The following PLTP variants were observed in gnomAD, a reference collection of about 807,000 sequenced individuals.
The protein encoded by PLTP is phospholipid transfer protein, also known as BPI fold containing family E.
A neutral mutation model predicts 54.1 loss-of-function variants in PLTP; 43 were observed. The ratio of observed to expected loss-of-function variants is 0.79; its 90% CI spans 0.62 to 1.02. The LOEUF is 1.02. Among genes scored for constraint, PLTP ranks in the 50% least tolerant of loss-of-function variants. The pLI is 0.00. For missense variants in PLTP, 604 were observed against 645.9 expected (o/e 0.94, Z 0.70); for synonymous variants, 263 against 264.6 (o/e 0.99, Z 0.06).
In PLTP at chr20:45,904,948, C is replaced by G. The variant is rs1568773948; in HGVS notation, c.876G>C (p.Gly292=). Residue 292 remains glycine, a synonymous_variant, in exon 9 of 16, where the codon GGG becomes GGC. Transcript: ENST00000372431. ...RAGALQLLLV[G]DKVPHDLDML... is the part of the protein sequence containing the mutation. ...CAAACAGGCCATGACATACCTTGTC[C>G]CCCACCAGCAACAGCTGCAGGGCCC... The G allele has an allele frequency of 1.2e-5, 20 of 1,614,242 alleles. No individual in the cohort carries two copies. Among genetic ancestry groups the G allele is most frequent in the Non-Finnish European group, 1.7e-5 (20 of 1,180,040 alleles).
intron 7 of PLTP, 51 bp from the exon 8 acceptor site, chr20:45,906,410 GCTTAAC>G: frequency 2.1e-6 from 3 of 1,403,992 alleles, no homozygotes; most frequent in Non-Finnish European, 3.0e-6. Context: ...GGGATAAGGT[GCTTAAC>G]CTCTCCAGGC....
chr20:45,910,929 C>A, intron 3 of PLTP: 1 of 1,429,800 alleles, frequency 7.0e-7, no homozygotes, highest in Non-Finnish European at 9.1e-7. Flanking sequence ...TTCTTGGCCC[C>A]CTCTACATTT....
In PLTP at chr20:45,907,749, G is replaced by A; in HGVS notation, c.556C>T (p.Pro186Ser). The change falls in exon 7 of 16, where the codon CCT (proline) becomes TCT (serine). Residue 186 changes from proline (P) to serine (S), a missense_variant. Coordinates refer to ENST00000372431, the MANE Select transcript of PLTP (RefSeq NM_006227.4). ...MRFLLNQQIC[P>S]VLYHAGTVLL... ...ACCGTCCCTGCGTGGTAGAGGACAG[G>A]GCAGATCTGCGAGGTGGGAGCCAGA... 6.2e-7 allele frequency: 1 copy of A among 1,613,718 alleles called. No homozygotes were observed. Among genetic ancestry groups the A allele is most frequent in the African/African-American group, 1.3e-5 (1 of 75,036 alleles).
chr20:45,909,441 T>C (rs956347207), intron 5 of PLTP, 75 bp downstream of exon 5: 3 of 1,516,188 alleles, frequency 2.0e-6, no homozygotes, highest in African/African-American at 2.7e-5. Flanking sequence ...CCCAGGCCTA[T>C]GCACTTTGCA....
chr20:45,907,578 A>C (rs745341894), intron 7 of PLTP, 114 bp downstream of exon 7: 78 of 982,980 alleles, frequency 7.9e-5, no homozygotes, highest in Non-Finnish European at 1.2e-4. Flanking sequence ...ACAACAAGTC[A>C]GCTCCAGGGG....
intron 3 of PLTP, chr20:45,910,776 C>T (rs2083282416): frequency 9.1e-7 from 1 of 1,102,658 alleles, no homozygotes. Context: ...CATCCTAAAC[C>T]ATACTTAGAG....
chr20:45,911,633 G>C (rs1211360899), intron 1 of PLTP, 170 bp from the exon 2 acceptor site: 20 of 863,496 alleles, frequency 2.3e-5, no homozygotes, highest in Non-Finnish European at 3.6e-5. Context: ...CTGAGGCTCA[G>C]AGAGGCGATG....
At position 45,907,808 on chromosome 20, in the gene PLTP, C is replaced by A. The variant is rs756641281; in HGVS notation, c.549+33G>T. On this transcript the variant is annotated intron_variant, in intron 6 of 15. Coordinates refer to ENST00000372431, the MANE Select transcript of PLTP (RefSeq NM_006227.4). Reference sequence around the variant, plus strand: ...CTTCTCAAAGTGAGAGCATGCCCACCCTTGCCACCCTGCGACCTGTCGCTG... The same window carrying A: ...CTTCTCAAAGTGAGAGCATGCCCACACTTGCCACCCTGCGACCTGTCGCTG... The A allele has an allele frequency of 6.8e-5, 110 of 1,607,424 alleles. No individual in the cohort carries two copies. In the Admixed American group the frequency reaches 1.8e-3, roughly 27 times the overall value.
intron 15 of PLTP, 58 bp downstream of exon 15, chr20:45,899,404 G>A (rs2145827211): frequency 1.9e-6 from 3 of 1,558,034 alleles, no homozygotes; most frequent in Non-Finnish European, 2.7e-6. Flanking sequence ...GGAGGGCACT[G>A]GGGAGCTATA....
At chr20:45,909,801 G>T in intron 4 of PLTP, 130 bp from the exon 5 acceptor site, 1 of 1,409,984 alleles carries the variant, frequency 7.1e-7, no homozygotes, top group Non-Finnish European at 1.0e-6. Flanking sequence ...CTATCAACTC[G>T]TATGAAATGC....
At chr20:45,908,198 G>C (rs965939392) in intron 5 of PLTP, among the ~76,000 whole-genome samples, 2 of 151,948 alleles carry the variant, frequency 1.3e-5, no homozygotes, top group Non-Finnish European at 2.9e-5. Context: ...CCTCCCTTCC[G>C]CCCTCTGCAT....
Position 45,902,256 on chromosome 20 carries a change from C to T in PLTP, c.1175+11G>A, listed in dbSNP as rs756782799. On this transcript the variant is annotated intron_variant, in intron 12 of 15. Coordinates refer to ENST00000372431, the MANE Select transcript of PLTP (RefSeq NM_006227.4). The stretch of plus-strand genomic sequence containing the variant: ...CCAATCACTGAGGTGCAGGGAAGTG[C>T]GCCTGCCTACCTGCGCAGGTCCAGC... 1.2e-5 allele frequency: 19 copies of T among 1,613,194 alleles called. No homozygotes were observed. Among genetic ancestry groups the T allele is most frequent in the South Asian group, 7.7e-5 (7 of 91,042 alleles).
intron 7 of PLTP, 52 bp from the exon 8 acceptor site, chr20:45,906,411 C>T (rs1568775146): frequency 7.1e-7 from 1 of 1,401,298 alleles, no homozygotes; most frequent in Non-Finnish European, 1.0e-6. Context: ...GGATAAGGTG[C>T]TTAACCTCTC....
In PLTP at chr20:45,899,069, T is replaced by C. The variant is rs747057667; in HGVS notation, c.1360-6A>G. On this transcript the variant is annotated splice_polypyrimidine_tract_variant and splice_region_variant and intron_variant, in intron 15 of 15. Transcript: ENST00000372431. ...GCCCCGATGGTGAGGAATCCCTGTGTTGGGGAGAGGGGAGCCTCATTTATT... is the reference window on the plus strand; with the variant it reads ...GCCCCGATGGTGAGGAATCCCTGTGCTGGGGAGAGGGGAGCCTCATTTATT... The C allele has an allele frequency of 6.2e-7, 1 of 1,614,120 alleles. No homozygotes were observed. The highest frequency in any genetic ancestry group is 8.5e-7 in the Non-Finnish European group (1 of 1,180,014).
At chr20:45,904,670 C>T (rs2083221151) in intron 10 of PLTP, 130 bp downstream of exon 10, 7 of 837,270 alleles carry the variant, frequency 8.4e-6, no homozygotes, top group East Asian at 4.9e-5. Flanking sequence ...CATGACAAGG[C>T]GAGGGGGATT....
Position 45,906,315 on chromosome 20 carries a change from T to C in PLTP, c.658A>G (p.Met220Val), listed in dbSNP as rs753431959. ...DELVGIDYSL[M>V]KDPVASTSNL... ...CTGGTGGAAGCCACAGGATCCTTCA[T>C]GAGGGAATAGTCAATGCCAACAAGC... Residue 220 changes from methionine to valine, a missense_variant, in exon 8 of 16, where the codon ATG becomes GTG. Coordinates refer to ENST00000372431, the MANE Select transcript of PLTP (RefSeq NM_006227.4). 6 of 1,614,066 alleles carry C rather than the reference T, an allele frequency of 3.7e-6. No individual in the cohort carries two copies. The highest frequency in any genetic ancestry group is 1.7e-5 in the Admixed American group (1 of 60,010).
intron 13 of PLTP, 65 bp downstream of exon 13, chr20:45,899,771 G>T (rs1468291458): frequency 1.9e-6 from 3 of 1,580,678 alleles, no homozygotes; most frequent in East Asian, 2.3e-5. Context: ...TATATGAGGA[G>T]GGGGGGATGG....
At chr20:45,907,125 G>A (rs1198643975) in intron 7 of PLTP, among the ~76,000 whole-genome samples, 1 of 79,440 alleles carries the variant, frequency 1.3e-5, no homozygotes, top group African/African-American at 3.1e-5. Context: ...TCAGGAGATC[G>A]AGACCATCCC....
At chr20:45,910,927 C>A (rs111335557) in intron 3 of PLTP, 11 of 1,424,732 alleles carry the variant, frequency 7.7e-6, no homozygotes, top group African/African-American at 4.3e-5. Context: ...CCTTCTTGGC[C>A]CCCTCTACAT....
Sources: gnomAD v4.1 joint callset for allele counts (sites outside exome capture counted in the v4.1 genomes callset) on GRCh38, gnomAD v4.1.1 for gene constraint, MANE v1.5 for transcripts, NCBI Gene and HGNC (gene_info 2026-07-23, HGNC 2026-07-21) for gene names.